Variants in FYN observed in about 807,000 individuals in gnomAD.
FYN encodes the protein tyrosine-protein kinase Fyn.
In FYN, 10 loss-of-function variants were observed where a neutral mutation model predicts 70.2. That is an observed-to-expected ratio of 0.14 (90% CI 0.09 to 0.24). FYN has a LOEUF of 0.24. Ranked by LOEUF, FYN falls within the 10% of genes least tolerant of loss-of-function variation. The probability of loss-of-function intolerance (pLI) is 1.00; values close to 1 mark genes in which losing one functional copy is unlikely to be tolerated. For synonymous variants in FYN, 236 were observed against 248.6 expected, an observed-to-expected ratio of 0.95 and a Z score of 0.48; for missense variants, 319 against 673.1, an observed-to-expected ratio of 0.47 and a Z score of 5.82.
intron 2 of FYN, among the ~76,000 whole-genome samples, chr6:111,841,208 A>C (rs1773348147): frequency 6.6e-6 from 1 of 152,212 alleles, no homozygotes; most frequent in Non-Finnish European, 1.5e-5. Flanking sequence ...TCACGCTTTC[A>C]CAGGGCGACC....
chr6:111,662,861 A>G (rs1366710360), intron 13 of FYN, among the ~76,000 whole-genome samples: 1 of 152,166 alleles, frequency 6.6e-6, no homozygotes, highest in African/African-American at 2.4e-5. Context: ...TCCGGGGCCT[A>G]TCTCTACTGA....
chr6:111,673,928 C>T (rs1436897343), intron 13 of FYN, among the ~76,000 whole-genome samples: 2 of 151,974 alleles, frequency 1.3e-5, no homozygotes, highest in East Asian at 3.9e-4. Context: ...TTACATTATA[C>T]TTGCTTTGGT....
intron 1 of FYN, among the ~76,000 whole-genome samples, chr6:111,859,612 T>C (rs1201518884): frequency 6.6e-6 from 1 of 152,202 alleles, no homozygotes; most frequent in African/African-American, 2.4e-5. Context: ...TATCTTGCAG[T>C]AATAGTTAAA....
chr6:111,853,911 A>C (rs903399684), intron 1 of FYN, among the ~76,000 whole-genome samples: 6 of 152,158 alleles, frequency 3.9e-5, no homozygotes, highest in Non-Finnish European at 7.3e-5. Context: ...CATTGTGGGA[A>C]GTGGGGTTGG....
At chr6:111,745,008 G>A (rs1207331097) in intron 3 of FYN, among the ~76,000 whole-genome samples, 2 of 152,026 alleles carry the variant, frequency 1.3e-5, no homozygotes, top group Non-Finnish European at 2.9e-5. Context: ...TTTAACATCC[G>A]CCCAGAAAAA....
intron 13 of FYN, among the ~76,000 whole-genome samples, chr6:111,668,648 C>T (rs769114133): frequency 3.3e-5 from 5 of 152,118 alleles, no homozygotes; most frequent in Non-Finnish European, 5.9e-5. Flanking sequence ...TCTTCACACG[C>T]ATTCTCCCCT....
chr6:111,665,736 C>T (rs963977809), intron 13 of FYN, among the ~76,000 whole-genome samples: 7 of 152,006 alleles, frequency 4.6e-5, no homozygotes, highest in Non-Finnish European at 8.8e-5. Context: ...ATTCTCCTGT[C>T]TCAGCCTCCT....
chr6:111,815,491 A>G (rs1458060235), intron 2 of FYN, among the ~76,000 whole-genome samples: 1 of 152,138 alleles, frequency 6.6e-6, no homozygotes, highest in Non-Finnish European at 1.5e-5. Flanking sequence ...AACCAGCATA[A>G]AAAAAATCTA....
At chr6:111,821,271 G>A (rs9384806) in intron 2 of FYN, among the ~76,000 whole-genome samples, 1 of 151,822 alleles carries the variant, frequency 6.6e-6, no homozygotes, top group African/African-American at 2.4e-5. Flanking sequence ...GCATGGTACT[G>A]GTACCAAAAC....
chr6:111,833,142 A>C (rs1773073106), intron 2 of FYN, among the ~76,000 whole-genome samples: 3 of 151,676 alleles, frequency 2.0e-5, no homozygotes, highest in Admixed American at 2.0e-4. Flanking sequence ...ACCAGGGACT[A>C]TTCCTATTTC....
rs117756519 is a variant in FYN at position 111,688,509 on chromosome 6, T to C, written c.1273+5866A>G. The stretch of plus-strand genomic sequence containing the variant: ...AACAAATATTTATTAAATACTACTA[T>C]GTGCTCTGTGTCTACAAGGGCCCGC... On this transcript the variant is annotated intron_variant, in intron 12 of 13. Coordinates refer to ENST00000354650, the MANE Select transcript of FYN (RefSeq NM_002037.5). 8.0e-3 allele frequency among the ~76,000 whole-genome samples: 1,212 copies of C among 152,312 alleles called. 16 individuals carry two copies. Among genetic ancestry groups the C allele is most frequent in the Middle Eastern group, 0.02 (6 of 294 alleles).
intron 2 of FYN, among the ~76,000 whole-genome samples, chr6:111,842,424 G>C (rs1051137473): frequency 2.6e-5 from 4 of 152,148 alleles, no homozygotes; most frequent in African/African-American, 9.7e-5. Flanking sequence ...GCAGGGAGTT[G>C]TGCTTATGCT....
intron 3 of FYN, among the ~76,000 whole-genome samples, chr6:111,764,987 G>A (rs1374367313): frequency 7.0e-6 from 1 of 142,972 alleles, no homozygotes; most frequent in Non-Finnish European, 1.5e-5. Context: ...TCTCGGTGGG[G>A]CCGAAGCAGC....
chr6:111,842,192 T>C (rs1165885162), intron 2 of FYN, among the ~76,000 whole-genome samples: 1 of 152,108 alleles, frequency 6.6e-6, no homozygotes, highest in Non-Finnish European at 1.5e-5. Flanking sequence ...GTGTGTGAGG[T>C]TGAGAAAGGT....
chr6:111,793,959 AG>A (rs1180309756), intron 2 of FYN: 1 of 151,994 alleles, frequency 6.6e-6, no homozygotes, highest in Non-Finnish European at 1.5e-5. Context: ...CAGCCCCCAC[AG>A]GAAGTGAGAG....
chr6:111,736,117 A>C (rs1343310393), intron 3 of FYN, among the ~76,000 whole-genome samples: 2 of 152,176 alleles, frequency 1.3e-5, no homozygotes, highest in Admixed American at 6.5e-5. Flanking sequence ...ATCCAACAAC[A>C]GACCGGTGTC....
chr6:111,730,403 A>G (rs1801394068), intron 3 of FYN, among the ~76,000 whole-genome samples: 1 of 152,092 alleles, frequency 6.6e-6, no homozygotes, highest in Non-Finnish European at 1.5e-5. Context: ...ATTCAGAATG[A>G]CGGTACTCAC....
chr6:111,818,021 A>G (rs1772544174), intron 2 of FYN, among the ~76,000 whole-genome samples: 2 of 152,218 alleles, frequency 1.3e-5, no homozygotes, highest in African/African-American at 4.8e-5. Context: ...GAGAATGGCA[A>G]AGAGCACACA....
Position 111,719,945 on chromosome 6 carries a change from G to C in FYN, c.107C>G (p.Pro36Arg), listed in dbSNP as rs1800852617. ...SGYRYGTDPTPQHYPSFGVTS... is the reference protein window; with the variant it reads ...SGYRYGTDPTRQHYPSFGVTS... ...CACACCGAAGCTGGGGTAGTGCTGA[G>C]GGGTGGGGTCTGTGCCATAGCGGTA... Residue 36 changes from proline to arginine, a missense_variant, in exon 4 of 14, where the codon CCT (proline) becomes CGT (arginine). Transcript: ENST00000354650. 6.2e-7 allele frequency: 1 copy of C among 1,614,080 alleles called. No individual in the cohort carries two copies. The highest frequency in any genetic ancestry group is 1.3e-5 in the African/African-American group (1 of 74,936).
Sources: allele counts gnomAD v4.1 joint callset (sites outside exome capture counted in the v4.1 genomes callset), GRCh38; gene constraint gnomAD v4.1.1; transcripts MANE v1.5; gene names NCBI Gene and HGNC (gene_info 2026-07-23, HGNC 2026-07-21).